The following CUEDC1 variants were observed in gnomAD, a reference collection of about 807,000 sequenced individuals.
The protein encoded by CUEDC1 is CUE domain containing 1, also known as CUE domain-containing protein 1.
Under a neutral mutation model 43.7 loss-of-function variants are expected in CUEDC1, and 30 were observed. The ratio of observed to expected loss-of-function variants is 0.69; its 90% confidence interval spans 0.51 to 0.93. The LOEUF (loss-of-function observed/expected upper bound fraction) is 0.93, where lower values mean the gene tolerates loss of function less well. Ranked by LOEUF, CUEDC1 falls within the 40% of genes least tolerant of loss-of-function variation. The pLI is 0.00. For missense variants in CUEDC1, 486 were observed against 549.0 expected, an observed-to-expected ratio of 0.89 and a Z score of 1.15; for synonymous variants, 223 against 223.6, an observed-to-expected ratio of 1.00 and a Z score of 0.02.
At chr17:57,882,152 G>A (rs1440223537) in intron 2 of CUEDC1, among the ~76,000 whole-genome samples, 1 of 152,120 alleles carries the variant, frequency 6.6e-6, no homozygotes, top group African/African-American at 2.4e-5. Context: ...GATACCCCTC[G>A]GGCCAGCCCA....
chr17:57,873,878 G>A (rs2074072759), intron 3 of CUEDC1, among the ~76,000 whole-genome samples, 161 bp from the exon 4 acceptor site: 1 of 152,164 alleles, frequency 6.6e-6, no homozygotes. Flanking sequence ...TCTCATCACT[G>A]GAGATGTCTC....
At chr17:57,864,845 G>A (rs2073933416) in intron 10 of CUEDC1, among the ~76,000 whole-genome samples, 1 of 152,184 alleles carries the variant, frequency 6.6e-6, no homozygotes, top group Non-Finnish European at 1.5e-5. Context: ...CCTGGGGTCA[G>A]ATGTTCGAAA....
At chr17:57,906,617 A>G (rs1406314784) in intron 1 of CUEDC1, among the ~76,000 whole-genome samples, 1 of 152,210 alleles carries the variant, frequency 6.6e-6, no homozygotes, top group African/African-American at 2.4e-5. Flanking sequence ...GGTAAGTTTT[A>G]TATTTAGTAT....
intron 1 of CUEDC1, among the ~76,000 whole-genome samples, chr17:57,933,736 T>C (rs2074832525): frequency 1.3e-5 from 2 of 152,184 alleles, no homozygotes; most frequent in African/African-American, 4.8e-5. Context: ...CAGTAAACTC[T>C]AGTCTACCAG....
chr17:57,944,650 A>G (rs913343348), intron 1 of CUEDC1, among the ~76,000 whole-genome samples: 7 of 152,320 alleles, frequency 4.6e-5, no homozygotes, highest in African/African-American at 1.4e-4. Flanking sequence ...ATAAATTAAC[A>G]AACTAAGTGA....
In CUEDC1 at chr17:57,868,157, G is replaced by A; in HGVS notation, c.1027C>T (p.His343Tyr). The A allele has an allele frequency of 1.2e-6, 2 of 1,613,680 alleles. No homozygotes were observed. Among genetic ancestry groups the A allele is most frequent in the Non-Finnish European group, 1.7e-6 (2 of 1,179,528 alleles). The change falls in exon 8 of 11, where the codon CAT (histidine) becomes TAT (tyrosine). Residue 343 changes from histidine (H) to tyrosine (Y), a missense_variant. By Grantham distance (83) the His-to-Tyr change is moderately conservative (BLOSUM62 2). Coordinates refer to ENST00000577830, the MANE Select transcript of CUEDC1 (RefSeq NM_001271875.2). ...RKSKRKHLLK[H>Y]QSLGAAASTA... ...CCAGGCTGGAAAGGATACGACTGAT[G>A]CTTCAACAAGTGTTTCCTCTTTGAC...
chr17:57,917,040 G>T (rs938650995), intron 1 of CUEDC1, among the ~76,000 whole-genome samples: 2 of 152,202 alleles, frequency 1.3e-5, no homozygotes, highest in African/African-American at 4.8e-5. Flanking sequence ...GAAGAGAAAG[G>T]TGAGCAGGCT....
chr17:57,874,533 C>T (rs2074083550), intron 3 of CUEDC1, among the ~76,000 whole-genome samples: 1 of 152,202 alleles, frequency 6.6e-6, no homozygotes, highest in South Asian at 2.1e-4. Context: ...GGGGGTGGCA[C>T]ACACCCTCCC....
intron 4 of CUEDC1, 37 bp downstream of exon 4, chr17:57,873,554 G>A: frequency 6.6e-7 from 1 of 1,512,044 alleles, no homozygotes; most frequent in Non-Finnish European, 8.9e-7. Flanking sequence ...TGCTGGACAA[G>A]CAGGTGGGAG....
rs762830032 is a variant in CUEDC1, at chr17:57,879,636, G to C, written c.439C>G (p.Leu147Val). Residue 147 changes from leucine to valine, a missense_variant, in exon 3 of 11, where the codon CTG (leucine) becomes GTG (valine). Coordinates refer to ENST00000577830, the MANE Select transcript of CUEDC1 (RefSeq NM_001271875.2). ...CGGGGAGGCGGAGTCGGGGGAGCCA[G>C]AGGGTAGGGCCGGTCGAACACGTGC... ...HMHVFDRPYPLAPPTPPPRID... is the reference protein window; with the variant it reads ...HMHVFDRPYPVAPPTPPPRID... 5.0e-6 allele frequency: 8 copies of C among 1,596,138 alleles called. No individual in the cohort carries two copies. In the African/African-American group the frequency reaches 9.5e-5, roughly 19 times the overall value.
In CUEDC1 at chr17:57,923,411, T is replaced by A. The variant is rs998528884; in HGVS notation, c.-316+31814A>T. Among the ~76,000 whole-genome samples, 3 of 152,342 alleles carry A rather than the reference T, an allele frequency of 2.0e-5. No homozygotes were observed. The South Asian group carries it at 6.2e-4, about 32-fold the overall frequency. On this transcript the variant is annotated intron_variant, in intron 1 of 10. Coordinates refer to ENST00000577830, the MANE Select transcript of CUEDC1 (RefSeq NM_001271875.2). ...TTCTACCAAGAGCTGCAGACAAGTG[T>A]GGCCACAAAGATGCACTAGCAAATT...
chr17:57,882,014 A>T (rs1282400210), intron 2 of CUEDC1, among the ~76,000 whole-genome samples: 1 of 152,090 alleles, frequency 6.6e-6, no homozygotes, highest in East Asian at 1.9e-4. Flanking sequence ...CTGGCTCTAA[A>T]GGTGCTGAAG....
chr17:57,866,771 C>A, intron 9 of CUEDC1: 1 of 542,644 alleles, frequency 1.8e-6, no homozygotes, highest in East Asian at 3.1e-5. Context: ...GACAAGTTCT[C>A]CCCTCGTCTT....
chr17:57,868,989 T>TCA, intron 7 of CUEDC1, 133 bp downstream of exon 7: 1 of 855,412 alleles, frequency 1.2e-6, no homozygotes, highest in Non-Finnish European at 1.9e-6. Flanking sequence ...GGAGCCAGCC[T>TCA]GCGATGAAAA....
intron 1 of CUEDC1, among the ~76,000 whole-genome samples, chr17:57,927,694 C>T (rs1167691699): frequency 6.6e-6 from 1 of 152,232 alleles, no homozygotes; most frequent in East Asian, 1.9e-4. Flanking sequence ...CAAAGAAAGC[C>T]TCACATTAAC....
In CUEDC1 at chr17:57,861,927, C is replaced by T. The variant is rs902662165; in HGVS notation, c.*1362G>A. 3 of 152,220 alleles carry T rather than the reference C, an allele frequency of 2.0e-5. No homozygotes were observed. The highest frequency in any genetic ancestry group is 7.2e-5 in the African/African-American group (3 of 41,558). The allele number at this position is 152,220 out of a possible 1,614,324, so 9.4% of individuals were successfully genotyped here. A position where few individuals can be genotyped will look rare whatever the true frequency, so the allele number is the denominator to read the frequency against. ...GCGCGCGTTTCCAAACTTGGTCACG[C>T]TCGGCGGCGGCTGCGCGTCCCGGCC... On this transcript the variant is annotated 3_prime_UTR_variant, in exon 11 of 11. Transcript: ENST00000577830.
chr17:57,933,197 G>T (rs1215428792), intron 1 of CUEDC1, among the ~76,000 whole-genome samples: 1 of 137,658 alleles, frequency 7.3e-6, no homozygotes, highest in African/African-American at 3.1e-5. Context: ...AGCCTCACGG[G>T]CAGCAAGGGG....
intron 3 of CUEDC1, among the ~76,000 whole-genome samples, chr17:57,875,179 A>C (rs772737050): frequency 1.3e-5 from 2 of 152,180 alleles, no homozygotes; most frequent in Non-Finnish European, 2.9e-5. Context: ...AGACCACCCC[A>C]GGCTACAGCA....
At chr17:57,952,649 G>A (rs1342684697) in intron 1 of CUEDC1, among the ~76,000 whole-genome samples, 2 of 152,152 alleles carry the variant, frequency 1.3e-5, no homozygotes, top group Admixed American at 1.3e-4. Flanking sequence ...AGCTTCCTGT[G>A]CCCCAAGGCT....
Sources: gnomAD v4.1 joint callset for allele counts (sites outside exome capture counted in the v4.1 genomes callset) on GRCh38, gnomAD v4.1.1 for gene constraint, MANE v1.5 for transcripts, NCBI Gene and HGNC (gene_info 2026-07-23, HGNC 2026-07-21) for gene names.